Variants in PKD2L2 observed in about 807,000 individuals in gnomAD.
PKD2L2 encodes the protein polycystin-2-like protein 2.
In PKD2L2, 67 loss-of-function variants were observed where a neutral mutation model predicts 83.9. That is an observed-to-expected ratio of 0.80 (90% confidence interval 0.66 to 0.98). The LOEUF (loss-of-function observed/expected upper bound fraction) is 0.98, where lower values mean the gene tolerates loss of function less well. Among genes scored for constraint, PKD2L2 ranks in the 50% least tolerant of loss-of-function variants. PKD2L2 has a pLI of 0.00. For synonymous variants in PKD2L2, 223 were observed against 237.8 expected, an observed-to-expected ratio of 0.94 and a Z score of 0.57; for missense variants, 632 against 717.2, an observed-to-expected ratio of 0.88 and a Z score of 1.36.
chr5:137,936,997 G>C (rs1325013843), intron 14 of PKD2L2, among the ~76,000 whole-genome samples: 1 of 152,212 alleles, frequency 6.6e-6, no homozygotes, highest in Non-Finnish European at 1.5e-5. Flanking sequence ...ACAAGAAAAT[G>C]CTTCTAGTTC....
At chr5:137,934,932 AG>A (rs1760195615) in intron 12 of PKD2L2, among the ~76,000 whole-genome samples, 1 of 152,222 alleles carries the variant, frequency 6.6e-6, no homozygotes, top group South Asian at 2.1e-4. Context: ...GCACTCTCTA[AG>A]ATAGTTTCTC....
Position 137,910,795 on chromosome 5 carries a change from CA to C in PKD2L2, c.1328+1860del, listed in dbSNP as rs34676713. Among the ~76,000 whole-genome samples the C allele has an allele frequency of 2.9e-4, 41 of 142,650 alleles. No homozygotes were observed. The East Asian group carries it at 4.9e-3, about 17-fold the overall frequency. 93.6% of individuals were successfully genotyped at this position (142,650 alleles called of 152,430 possible). ...CTCTGTCTCAAAAAAAAAAGAAAAA[CA>C]AAAAAAAAAAGCTGGATGACATAGA... On this transcript the variant is annotated intron_variant, in intron 8 of 14. Coordinates refer to ENST00000508883, the MANE Select transcript of PKD2L2 (RefSeq NM_001300921.2).
chr5:137,931,362 C>T (rs572741260), intron 12 of PKD2L2, among the ~76,000 whole-genome samples: 7 of 152,250 alleles, frequency 4.6e-5, no homozygotes, highest in East Asian at 3.9e-4. Context: ...GAAAAACTCC[C>T]AAATTACGTT....
intron 12 of PKD2L2, among the ~76,000 whole-genome samples, chr5:137,926,220 A>AT (rs1420426431): frequency 6.6e-6 from 1 of 152,234 alleles, no homozygotes; most frequent in Non-Finnish European, 1.5e-5. Flanking sequence ...TGATGACTTG[A>AT]TAACTTTTCT....
intron 12 of PKD2L2, among the ~76,000 whole-genome samples, chr5:137,927,988 T>C (rs1048445553): frequency 6.6e-6 from 1 of 151,758 alleles, no homozygotes; most frequent in Non-Finnish European, 1.5e-5. Flanking sequence ...ACTGTGTATA[T>C]GGGAAACTTT....
At chr5:137,925,235 T>A in intron 11 of PKD2L2, 131 bp downstream of exon 11, 1 of 630,826 alleles carries the variant, frequency 1.6e-6, no homozygotes, top group South Asian at 2.0e-5. Flanking sequence ...ACCATGTTGG[T>A]CAGACTGGTC....
chr5:137,936,977 A>G (rs909649135), intron 14 of PKD2L2, among the ~76,000 whole-genome samples: 1 of 152,222 alleles, frequency 6.6e-6, no homozygotes, highest in Non-Finnish European at 1.5e-5. Flanking sequence ...AATTCTAGAA[A>G]AGTGAAAGTA....
intron 6 of PKD2L2, among the ~76,000 whole-genome samples, chr5:137,907,032 G>C (rs1424101265): frequency 7.9e-5 from 12 of 152,106 alleles, no homozygotes; most frequent in African/African-American, 2.2e-4. Flanking sequence ...TTAAGAGTTT[G>C]GTCTTAGGAA....
At chr5:137,908,594 A>G (rs558718866) in intron 7 of PKD2L2, among the ~76,000 whole-genome samples, 171 bp from the exon 8 acceptor site, 32 of 152,128 alleles carry the variant, frequency 2.1e-4, no homozygotes, top group Non-Finnish European at 3.5e-4. Context: ...CCATCTCAAA[A>G]AAAAAAAACA....
intron 9 of PKD2L2, among the ~76,000 whole-genome samples, chr5:137,922,645 T>C (rs1013927489): frequency 6.6e-6 from 1 of 151,836 alleles, no homozygotes; most frequent in Non-Finnish European, 1.5e-5. Flanking sequence ...GGCTGGGGCA[T>C]GAGAATCGCT....
chr5:137,897,277 G>A (rs1015029321), intron 4 of PKD2L2, among the ~76,000 whole-genome samples: 2 of 151,780 alleles, frequency 1.3e-5, no homozygotes, highest in South Asian at 2.1e-4. Flanking sequence ...GGCTGGTCTC[G>A]AACTCCTGGG....
At position 137,942,506 on chromosome 5, in the gene PKD2L2, G is replaced by A. The variant is rs937575700; in HGVS notation, c.*140G>A. The A allele has an allele frequency of 4.7e-5, 10 of 213,262 alleles. No individual in the cohort carries two copies. The highest frequency in any genetic ancestry group is 7.4e-5 in the Non-Finnish European group (8 of 107,592). The allele number at this position is 213,262 out of a possible 1,614,324, so 13.2% of individuals were successfully genotyped here. A position where few individuals can be genotyped will look rare whatever the true frequency, so the allele number is the denominator to read the frequency against. On this transcript the variant is annotated 3_prime_UTR_variant, in exon 15 of 15. Coordinates refer to ENST00000508883, the MANE Select transcript of PKD2L2 (RefSeq NM_001300921.2). ...CTCCCAAGTATCTGGGACTACACGCGAACACCACCACCCCTGGCTAATTTA... is the reference window on the plus strand; with the variant it reads ...CTCCCAAGTATCTGGGACTACACGCAAACACCACCACCCCTGGCTAATTTA...
chr5:137,899,901 A>T (rs925343170), intron 5 of PKD2L2, among the ~76,000 whole-genome samples, 164 bp downstream of exon 5: 1 of 152,182 alleles, frequency 6.6e-6, no homozygotes, highest in Non-Finnish European at 1.5e-5. Context: ...AACCTTTGTG[A>T]CAATTTGAAA....
rs1756257654 is a variant in PKD2L2 at position 137,894,363 on chromosome 5, G to C, written c.278G>C (p.Gly93Ala). 6.2e-7 allele frequency: 1 copy of C among 1,600,764 alleles called. No individual in the cohort carries two copies. The highest frequency in any genetic ancestry group is 8.5e-7 in the Non-Finnish European group (1 of 1,177,246). The change falls in exon 4 of 15, where the codon GGA (glycine) becomes GCA (alanine). Residue 93 changes from glycine (G) to alanine (A), a missense_variant. Around this residue, in one of 3 missense-constraint regions of PKD2L2, gnomAD observed 229 missense variants for 281.5 expected, o/e 0.81. Transcript: ENST00000508883. ...SITDFWKFMEGPLLEGLYWDS... is the reference protein window; with the variant it reads ...SITDFWKFMEAPLLEGLYWDS... ...TTTTTCTCTGTGGAGTTTATGGAAG[G>C]ACCCCTTTTGGAAGGTCTGTACTGG...
At position 137,935,736 on chromosome 5, in the gene PKD2L2, G is replaced by A. The variant is rs976039824; in HGVS notation, c.1672-61G>A. On this transcript the variant is annotated intron_variant, in intron 12 of 14. Transcript: ENST00000508883. ...ATCCTCAATCCTGTGATGCTTGTGT[G>A]CCAAAGACTTGAAATAGAGAACTAA... 1.1e-5 allele frequency: 10 copies of A among 876,334 alleles called. No individual in the cohort carries two copies. In the African/African-American group the frequency reaches 1.2e-4, roughly 10 times the overall value. 54.3% of individuals were successfully genotyped at this position (876,334 alleles called of 1,614,324 possible). A position where few individuals can be genotyped will look rare whatever the true frequency, so the allele number is the denominator to read the frequency against.
chr5:137,936,482 G>A, intron 14 of PKD2L2, 55 bp downstream of exon 14: 2 of 1,439,260 alleles, frequency 1.4e-6, no homozygotes, highest in Non-Finnish European at 1.9e-6. Flanking sequence ...TTGAGACGGA[G>A]TCTCGCTCTA....
chr5:137,936,937 C>A (rs1760483172), intron 14 of PKD2L2, among the ~76,000 whole-genome samples: 1 of 152,140 alleles, frequency 6.6e-6, no homozygotes, highest in African/African-American at 2.4e-5. Context: ...CACACTGGTA[C>A]AAAGGATTTT....
At chr5:137,907,997 AT>A (rs1298365786) in intron 7 of PKD2L2, 85 bp downstream of exon 7, 1 of 635,144 alleles carries the variant, frequency 1.6e-6, no homozygotes, top group African/African-American at 1.9e-5. Flanking sequence ...GGGAAAAAAG[AT>A]TTTTTCAACT....
chr5:137,928,374 CAAAAAGTACAA>C (rs1204531983), intron 12 of PKD2L2, among the ~76,000 whole-genome samples: 12 of 22,424 alleles, frequency 5.4e-4, no homozygotes, highest in African/African-American at 2.2e-3. Flanking sequence ...CCTGTCTCTA[CAAAAAGTACAA>C]AAAAAAAAAA....
Sources: gnomAD v4.1 joint callset for allele counts (sites outside exome capture counted in the v4.1 genomes callset) on GRCh38, gnomAD v4.1.1 for gene constraint, gnomAD v4.1.1 regional missense constraint, MANE v1.5 for transcripts, NCBI Gene and HGNC (gene_info 2026-07-23, HGNC 2026-07-21) for gene names.